Variants in CNST observed in about 807,000 individuals in gnomAD.
The protein encoded by CNST is consortin.
CNST carries 39 observed loss-of-function variants against 72.4 expected under a neutral mutation model. The ratio of observed to expected loss-of-function variants is 0.54; its 90% CI spans 0.42 to 0.70. The LOEUF (loss-of-function observed/expected upper bound fraction) is 0.70, where lower values mean the gene tolerates loss of function less well. CNST is among the 30% of genes least tolerant of loss of function. The probability of loss-of-function intolerance (pLI) is 0.00; values close to 1 mark genes in which losing one functional copy is unlikely to be tolerated. For missense variants in CNST, 871 were observed against 868.5 expected, an observed-to-expected ratio of 1.00 and a Z score of -0.04; for synonymous variants, 332 against 320.1, an observed-to-expected ratio of 1.04 and a Z score of -0.40.
At position 246,660,286 on chromosome 1, in the gene CNST, T is replaced by A; in HGVS notation, c.1924T>A (p.Ser642Thr). The A allele has an allele frequency of 1.9e-6, 3 of 1,614,096 alleles. No homozygotes were observed. Among genetic ancestry groups the A allele is most frequent in the Non-Finnish European group, 2.5e-6 (3 of 1,179,994 alleles). The change falls in exon 10 of 11, where the codon TCT (serine) becomes ACT (threonine). Residue 642 changes from serine to threonine, a missense_variant. Physicochemically the swap from Ser to Thr is moderately conservative, Grantham distance 58 (BLOSUM62 1). Coordinates refer to ENST00000366513, the MANE Select transcript of CNST (RefSeq NM_152609.3). ...DHPAQMQHKP[S>T]KRRVRFQEID... is the part of the protein sequence containing the mutation. ...TCCTGCCCAAATGCAACACAAACCA[T>A]CTAAGCGAAGAGTGAGATTCCAAGA...
chr1:246,645,310 G>T (rs1331973862), intron 8 of CNST, among the ~76,000 whole-genome samples: 1 of 151,030 alleles, frequency 6.6e-6, no homozygotes, highest in Non-Finnish European at 1.5e-5. Context: ...GAAAAAAAAA[G>T]TATCAGTAAA....
At chr1:246,567,336 A>G (rs923902234) in intron 1 of CNST, among the ~76,000 whole-genome samples, 4 of 147,610 alleles carry the variant, frequency 2.7e-5, no homozygotes, top group Non-Finnish European at 6.0e-5. Context: ...GGATGCTGTA[A>G]TGGAAATTTT....
chr1:246,633,246 T>G (rs1664892755), intron 4 of CNST, among the ~76,000 whole-genome samples: 1 of 148,578 alleles, frequency 6.7e-6, no homozygotes. Flanking sequence ...GGTCAGGAGT[T>G]CAAAACCAGC....
At chr1:246,655,935 T>C (rs1666747569) in intron 9 of CNST, among the ~76,000 whole-genome samples, 1 of 152,246 alleles carries the variant, frequency 6.6e-6, no homozygotes. Flanking sequence ...GTTGTTATTA[T>C]GGAACCCAAC....
At chr1:246,632,179 G>T in intron 4 of CNST, 1 of 345,976 alleles carries the variant, frequency 2.9e-6, no homozygotes, top group Non-Finnish European at 5.1e-6. Context: ...ATAAGTATTT[G>T]TATTTATTTT....
intron 1 of CNST, chr1:246,566,931 C>A (rs1659738057): frequency 3.0e-6 from 1 of 333,280 alleles, no homozygotes; most frequent in East Asian, 4.5e-5. Context: ...AGAAGTCGTT[C>A]CTCACCCGGC....
intron 2 of CNST, among the ~76,000 whole-genome samples, chr1:246,620,715 C>CACACACACG (rs1664026475): frequency 2.2e-5 from 3 of 135,878 alleles, no homozygotes; most frequent in African/African-American, 8.3e-5. Context: ...AGTCGTGGTG[C>CACACACACG]ATACACACGA....
intron 2 of CNST, among the ~76,000 whole-genome samples, chr1:246,596,358 C>T (rs569267052): frequency 3.3e-5 from 5 of 149,562 alleles, no homozygotes; most frequent in Admixed American, 1.3e-4. Flanking sequence ...ATGGTTGCAC[C>T]ACTGCACCCC....
chr1:246,663,349 AAAAG>A (rs1404852115), intron 10 of CNST, among the ~76,000 whole-genome samples: 210 of 152,126 alleles, frequency 1.4e-3, no homozygotes, highest in African/African-American at 1.9e-3. Context: ...AAAAAAAAAA[AAAAG>A]AAAGACAAGA....
intron 2 of CNST, among the ~76,000 whole-genome samples, chr1:246,594,748 G>A (rs186092945): frequency 2.0e-5 from 3 of 152,312 alleles, no homozygotes; most frequent in East Asian, 1.9e-4. Context: ...CAGTCTAGGC[G>A]ATAGTGCCAG....
At chr1:246,604,007 T>C (rs1662498885) in intron 2 of CNST, among the ~76,000 whole-genome samples, 1 of 152,298 alleles carries the variant, frequency 6.6e-6, no homozygotes, top group African/African-American at 2.4e-5. Flanking sequence ...GTGGATCACC[T>C]GAGGTCAGGA....
At chr1:246,583,453 T>A (rs1294071828) in intron 1 of CNST, among the ~76,000 whole-genome samples, 1 of 152,262 alleles carries the variant, frequency 6.6e-6, no homozygotes, top group Admixed American at 6.5e-5. Flanking sequence ...GCAGGGTTTA[T>A]AGACATAGCG....
intron 4 of CNST, chr1:246,632,286 C>A: frequency 3.3e-6 from 1 of 299,830 alleles, no homozygotes; most frequent in Non-Finnish European, 6.6e-6. Context: ...TTAGCCTTTG[C>A]CTTTTTGAGC....
chr1:246,602,150 C>G (rs1662326359), intron 2 of CNST, among the ~76,000 whole-genome samples: 1 of 152,096 alleles, frequency 6.6e-6, no homozygotes, highest in Non-Finnish European at 1.5e-5. Context: ...GTGTTTGTTA[C>G]AATTGAAAGT....
chr1:246,571,677 T>C (rs1660080947), intron 1 of CNST, among the ~76,000 whole-genome samples: 1 of 152,184 alleles, frequency 6.6e-6, no homozygotes, highest in Non-Finnish European at 1.5e-5. Flanking sequence ...GTAAATTTTG[T>C]CATATTTATT....
At chr1:246,660,064 T>G in intron 9 of CNST, 135 bp from the exon 10 acceptor site, 2 of 671,218 alleles carry the variant, frequency 3.0e-6, no homozygotes, top group Non-Finnish European at 2.5e-6. Flanking sequence ...TAGATTTTGA[T>G]GTTATTTTTT....
At chr1:246,633,783 A>T in intron 4 of CNST, 141 bp from the exon 5 acceptor site, 1 of 558,582 alleles carries the variant, frequency 1.8e-6, no homozygotes, top group South Asian at 2.6e-5. Context: ...TACTTTAGAT[A>T]TGTTTAAATT....
chr1:246,578,303 C>CT (rs1263131308), intron 1 of CNST, among the ~76,000 whole-genome samples: 1 of 152,056 alleles, frequency 6.6e-6, no homozygotes, highest in Non-Finnish European at 1.5e-5. Flanking sequence ...AGTTACAGTG[C>CT]TTTAAAATAA....
In CNST at chr1:246,647,494, A is replaced by G. The variant is rs1666171999; in HGVS notation, c.1293A>G (p.Thr431=). Residue 431 remains threonine, a synonymous_variant, in exon 9 of 11, where the codon ACA becomes ACG. Coordinates refer to ENST00000366513, the MANE Select transcript of CNST (RefSeq NM_152609.3). The part of the protein sequence containing the change: ...PKVFLSSKSK[T]EPLISPGCDR... ...TGTTTCTTTCCAGCAAGTCAAAGAC[A>G]GAGCCGTTGATTTCACCAGGCTGTG... is the stretch of plus-strand genomic sequence containing the variant. 6.2e-7 allele frequency: 1 copy of G among 1,614,258 alleles called. No homozygotes were observed.
Sources: gnomAD v4.1 joint callset for allele counts (sites outside exome capture counted in the v4.1 genomes callset) on GRCh38, gnomAD v4.1.1 for gene constraint, MANE v1.5 for transcripts, NCBI Gene and HGNC (gene_info 2026-07-23, HGNC 2026-07-21) for gene names.